UPF1: variants seen among roughly 807,000 people sequenced by gnomAD.
UPF1 encodes regulator of nonsense transcripts 1.
In UPF1, 9 loss-of-function variants were observed where a neutral mutation model predicts 129.2. The ratio of observed to expected loss-of-function variants is 0.07; its 90% confidence interval spans 0.04 to 0.12. The LOEUF (loss-of-function observed/expected upper bound fraction) is 0.12. Among genes scored for constraint, UPF1 ranks in the 10% least tolerant of loss-of-function variants. The pLI is 1.00. For missense variants in UPF1, 788 were observed against 1,525.3 expected (o/e 0.52, Z 8.05); for synonymous variants, 649 against 644.9 (o/e 1.01, Z -0.10).
intron 18 of UPF1, 53 bp from the exon 19 acceptor site, chr19:18,863,385 T>C: frequency 6.3e-7 from 1 of 1,591,228 alleles, no homozygotes; most frequent in Non-Finnish European, 8.6e-7. Flanking sequence ...TGGACCGTCC[T>C]GTGAGACGGG....
chr19:18,835,737 C>G (rs1222228351), intron 1 of UPF1, among the ~76,000 whole-genome samples: 1 of 152,158 alleles, frequency 6.6e-6, no homozygotes, highest in Non-Finnish European at 1.5e-5. Context: ...TGTTGATGGA[C>G]ATTTGGGTTG....
rs1031916119 is a variant in UPF1 at position 18,863,918 on chromosome 19, C to T, written c.2776-252C>T. ...GGAAGCTTTGCAAGCCCGGGGTGAT[C>T]TGGTAGTGAGGGGGTGTGAAGCTTC... On this transcript the variant is annotated intron_variant, in intron 19 of 23. Coordinates refer to ENST00000262803, the MANE Select transcript of UPF1 (RefSeq NM_002911.4). Among the ~76,000 whole-genome samples the T allele has an allele frequency of 3.3e-5, 5 of 152,132 alleles. No individual in the cohort carries two copies. In the South Asian group the frequency reaches 8.3e-4, roughly 25 times the overall value.
intron 13 of UPF1, 54 bp from the exon 14 acceptor site, chr19:18,856,823 G>C (rs2055723543): frequency 6.4e-7 from 1 of 1,555,728 alleles, no homozygotes; most frequent in African/African-American, 1.4e-5. Context: ...TGCCCTCCGG[G>C]GTCTGGTGGC....
intron 1 of UPF1, among the ~76,000 whole-genome samples, chr19:18,840,402 C>T (rs890481504): frequency 1.3e-5 from 2 of 152,322 alleles, no homozygotes; most frequent in Admixed American, 1.3e-4. Flanking sequence ...GGGCTCTCTC[C>T]GCTGGGGAGG....
chr19:18,847,515 G>A (rs2055613525), intron 2 of UPF1, among the ~76,000 whole-genome samples: 1 of 152,260 alleles, frequency 6.6e-6, no homozygotes, highest in Admixed American at 6.5e-5. Context: ...CTTGGAGGTG[G>A]CTTTGCTCCT....
chr19:18,860,703 G>T, intron 16 of UPF1, 123 bp from the exon 17 acceptor site: 2 of 1,400,724 alleles, frequency 1.4e-6, no homozygotes. Flanking sequence ...GCTCAGCTGT[G>T]CAAACGCCAG....
chr19:18,853,248 C>G lies in UPF1; in HGVS notation c.1058-4C>G, dbSNP rs2055679561. On this transcript the variant is annotated splice_region_variant and splice_polypyrimidine_tract_variant and intron_variant, in intron 7 of 23. Transcript: ENST00000262803. The surrounding 1 kb of genome is among the most constrained non-coding windows in gnomAD (Gnocchi z 4.4). ...GGCCACCTCTCTCACTTTTTTACCT[C>G]AAGACATGCGGCTCATGCAGGGGGA... 3 of 1,608,772 alleles carry G rather than the reference C, an allele frequency of 1.9e-6. No individual in the cohort carries two copies. The highest frequency in any genetic ancestry group is 1.1e-5 in the South Asian group (1 of 90,566).
At chr19:18,847,193 G>C (rs1377806009) in intron 2 of UPF1, among the ~76,000 whole-genome samples, 3 of 152,266 alleles carry the variant, frequency 2.0e-5, no homozygotes, top group Admixed American at 1.3e-4. Flanking sequence ...TTAACACACA[G>C]AGATGGCCAT....
At position 18,845,960 on chromosome 19, in the gene UPF1, G is replaced by A; in HGVS notation, c.232-20G>A. ...CTGGAAGCTGCAGCCTCACTCAGGT[G>A]ACACTGCGTTCTGCTGCAGGTTGGG... On this transcript the variant is annotated intron_variant, in intron 1 of 23. Transcript: ENST00000262803. 6.2e-7 allele frequency: 1 copy of A among 1,612,970 alleles called. No individual in the cohort carries two copies. The highest frequency in any genetic ancestry group is 1.1e-5 in the South Asian group (1 of 91,036).
rs564846446 is a variant in UPF1, at chr19:18,868,053, C to T, written c.*1536C>T. The T allele has an allele frequency of 9.8e-4, 157 of 160,596 alleles. No individual in the cohort carries two copies. Among genetic ancestry groups the T allele is most frequent in the Non-Finnish European group, 1.8e-3 (133 of 72,812 alleles). 9.9% of individuals were successfully genotyped at this position (160,596 alleles called of 1,614,324 possible). ...GGCGGCCTGAGGGACGCTCCCTGCC[C>T]CATCCCGGCTGTTGGGCTGGGCCGC... is the stretch of plus-strand genomic sequence containing the variant. On this transcript the variant is annotated 3_prime_UTR_variant, in exon 24 of 24. Transcript: ENST00000262803.
intron 20 of UPF1, among the ~76,000 whole-genome samples, chr19:18,864,741 T>G (rs990499328): frequency 1.4e-4 from 20 of 139,420 alleles, no homozygotes; most frequent in African/African-American, 4.3e-4. Context: ...GTGTTTTTTT[T>G]TTTTTTTTTT....
Position 18,864,239 on chromosome 19 carries a change from C to T in UPF1, c.2845C>T (p.Arg949Trp), listed in dbSNP as rs1011803969. 2.5e-6 allele frequency: 4 copies of T among 1,613,144 alleles called. No individual in the cohort carries two copies. The highest frequency in any genetic ancestry group is 3.4e-6 in the Non-Finnish European group (4 of 1,179,390). The change falls in exon 20 of 24, where the codon CGG becomes TGG. Residue 949 changes from arginine to tryptophan, a missense_variant. Around this residue, in one of 6 missense-constraint regions of UPF1, gnomAD observed 218 missense variants for 318.1 expected, o/e 0.69. Coordinates refer to ENST00000262803, the MANE Select transcript of UPF1 (RefSeq NM_002911.4). Reference protein sequence around the residue: ...EAIIPGSVYDRSSQGRPSSMY... With the variant: ...EAIIPGSVYDWSSQGRPSSMY... ...CATCATCCCAGGCTCCGTCTATGAT[C>T]GGAGCAGCCAGGGTGAGTCGCTCAG...
intron 5 of UPF1, 48 bp from the exon 6 acceptor site, chr19:18,852,083 TTGCA>T: frequency 6.5e-7 from 1 of 1,536,144 alleles, no homozygotes; most frequent in Non-Finnish European, 8.8e-7. Context: ...CCTCGTTCAT[TTGCA>T]TGTAGGGAAA....
Position 18,853,262 on chromosome 19 carries a change from C to T in UPF1, c.1068C>T (p.Leu356=). 1 of 1,611,946 alleles carries T rather than the reference C, an allele frequency of 6.2e-7. No homozygotes were observed. Among genetic ancestry groups the T allele is most frequent in the Non-Finnish European group, 8.5e-7 (1 of 1,178,764 alleles). Residue 356 remains leucine, a synonymous_variant, in exon 8 of 24, where the codon CTC becomes CTT. Coordinates refer to ENST00000262803, the MANE Select transcript of UPF1 (RefSeq NM_002911.4). The surrounding 1 kb of genome is among the most constrained non-coding windows in gnomAD (Gnocchi z 4.4). ...TLPKTDSDMR[L]MQGDEICLRY... is the part of the protein sequence containing the mutation. ...CTTTTTTACCTCAAGACATGCGGCT[C>T]ATGCAGGGGGATGAGATATGCCTGC...
intron 1 of UPF1, among the ~76,000 whole-genome samples, chr19:18,843,706 G>A (rs557346240): frequency 3.4e-4 from 49 of 146,036 alleles, no homozygotes; most frequent in Non-Finnish European, 6.0e-4. Context: ...GTTTTGCCAT[G>A]TTGGCCAGGC....
chr19:18,865,791 C>G lies in UPF1; in HGVS notation c.3237+13C>G. The G allele has an allele frequency of 1.2e-6, 2 of 1,612,190 alleles. No individual in the cohort carries two copies. ...GGAGCTGTCCCAGGTGAGCCCGCCC[C>G]TGGGACGGGACTTACCTGAGTGAGG... On this transcript the variant is annotated intron_variant, in intron 22 of 23. Coordinates refer to ENST00000262803, the MANE Select transcript of UPF1 (RefSeq NM_002911.4). This position sits in a 1 kb window ranked among gnomAD's most constrained non-coding sequence, Gnocchi z 6.1.
chr19:18,868,150 G>A lies in UPF1; in HGVS notation c.*1633G>A. ...CAGCCTTGACAAACCCAGGCGCACT[G>A]TACCAAGGCAATGTAACTTTTGATT... On this transcript the variant is annotated 3_prime_UTR_variant, in exon 24 of 24. Transcript: ENST00000262803. 1 of 234,708 alleles carries A rather than the reference G, an allele frequency of 4.3e-6. No homozygotes were observed. Among genetic ancestry groups the A allele is most frequent in the Non-Finnish European group, 8.6e-6 (1 of 116,524 alleles). The allele number at this position is 234,708 out of a possible 1,614,324, so 14.5% of individuals were successfully genotyped here.
chr19:18,850,634 C>T lies in UPF1; in HGVS notation c.630-54C>T. ...TCAGCATGGGAGGGGGCCCTCCCTG[C>T]TCCGGGGCTTCAGGGACGGGAGCTG... is the stretch of plus-strand genomic sequence containing the variant. On this transcript the variant is annotated intron_variant, in intron 4 of 23. Transcript: ENST00000262803. The surrounding 1 kb of genome is among the most constrained non-coding windows in gnomAD (Gnocchi z 7.1). 1 of 1,495,382 alleles carries T rather than the reference C, an allele frequency of 6.7e-7. No homozygotes were observed. The highest frequency in any genetic ancestry group is 8.9e-7 in the Non-Finnish European group (1 of 1,124,960). The allele number at this position is 1,495,382 out of a possible 1,614,324, so 92.6% of individuals were successfully genotyped here. A position where few individuals can be genotyped will look rare whatever the true frequency, so the allele number is the denominator to read the frequency against.
intron 3 of UPF1, 159 bp from the exon 4 acceptor site, chr19:18,849,916 G>A (rs1392871869): frequency 3.6e-6 from 3 of 833,816 alleles, no homozygotes; most frequent in South Asian, 3.5e-5. Context: ...GAGCTAGTTT[G>A]GGGGAGGGCT....
Sources: allele counts gnomAD v4.1 joint callset (sites outside exome capture counted in the v4.1 genomes callset), GRCh38; gene constraint gnomAD v4.1.1; regional missense constraint gnomAD v4.1.1; non-coding constraint Gnocchi (gnomAD v3.1); transcripts MANE v1.5; gene names NCBI Gene and HGNC (gene_info 2026-07-23, HGNC 2026-07-21).